The following RIMS2 variants were observed in gnomAD, a reference collection of about 807,000 sequenced individuals.
RIMS2 encodes the protein regulating synaptic membrane exocytosis protein 2.
Under a neutral mutation model 174.4 loss-of-function variants are expected in RIMS2, and 59 were observed. That is an observed-to-expected ratio of 0.34 (90% confidence interval 0.27 to 0.42). The LOEUF (loss-of-function observed/expected upper bound fraction) is 0.42. Among genes scored for constraint, RIMS2 ranks in the 10% least tolerant of loss-of-function variants. RIMS2 has a pLI of 1.00. For missense variants in RIMS2, 1,620 were observed against 1,666.3 expected (o/e 0.97, Z 0.48); for synonymous variants, 606 against 572.5 (o/e 1.06, Z -0.84).
chr8:104,239,798 A>G (rs555291811), intron 19 of RIMS2, among the ~76,000 whole-genome samples: 1 of 152,328 alleles, frequency 6.6e-6, no homozygotes, highest in South Asian at 2.1e-4. Flanking sequence ...ACAGTTCTGT[A>G]GGTCACAAGT....
At chr8:103,951,452 A>C (rs2085337434) in intron 14 of RIMS2, among the ~76,000 whole-genome samples, 1 of 152,158 alleles carries the variant, frequency 6.6e-6, no homozygotes, top group African/African-American at 2.4e-5. Flanking sequence ...GGTGCAGCCT[A>C]AGGTGGGCAA....
chr8:103,899,469 G>T (rs2099314317), intron 4 of RIMS2, among the ~76,000 whole-genome samples: 1 of 151,678 alleles, frequency 6.6e-6, no homozygotes, highest in Non-Finnish European at 1.5e-5. Context: ...TTCTCTGATG[G>T]CCAGTGATGA....
intron 1 of RIMS2, among the ~76,000 whole-genome samples, chr8:103,672,354 C>T (rs1168552948): frequency 1.3e-5 from 2 of 152,042 alleles, no homozygotes; most frequent in African/African-American, 2.4e-5. Context: ...GCCATTCTTG[C>T]ATTGCTATAA....
At chr8:103,723,805 A>G (rs1282450881) in intron 2 of RIMS2, among the ~76,000 whole-genome samples, 3 of 152,182 alleles carry the variant, frequency 2.0e-5, no homozygotes, top group African/African-American at 7.2e-5. Context: ...GCCTGAGGCC[A>G]CAGAGCTGGC....
At chr8:104,098,850 A>G (rs2097809338) in intron 19 of RIMS2, among the ~76,000 whole-genome samples, 1 of 152,224 alleles carries the variant, frequency 6.6e-6, no homozygotes, top group Admixed American at 6.5e-5. Context: ...AACTTGATAT[A>G]TACAGTCTAT....
At chr8:103,706,982 A>C (rs904136395) in intron 2 of RIMS2, among the ~76,000 whole-genome samples, 1 of 151,204 alleles carries the variant, frequency 6.6e-6, no homozygotes, top group African/African-American at 2.4e-5. Context: ...TCTTTCATTT[A>C]TTTTCTTTTT....
chr8:103,738,510 A>T (rs2097716477), intron 2 of RIMS2, among the ~76,000 whole-genome samples: 1 of 152,210 alleles, frequency 6.6e-6, no homozygotes, highest in South Asian at 2.1e-4. Context: ...AGCAATAGCA[A>T]CAAAAGCCAA....
chr8:104,014,399 A>G (rs2095846593), intron 18 of RIMS2, 107 bp from the exon 21 acceptor site: 1 of 577,520 alleles, frequency 1.7e-6, no homozygotes, highest in Non-Finnish European at 3.0e-6. Flanking sequence ...TCTGCAGCTA[A>G]ACTTCTTTTT....
chr8:103,832,171 A>G (rs1219392948), intron 3 of RIMS2, among the ~76,000 whole-genome samples: 1 of 152,190 alleles, frequency 6.6e-6, no homozygotes, highest in Non-Finnish European at 1.5e-5. Context: ...TATAAAATGT[A>G]TCTTTTATCA....
At chr8:103,715,849 C>T (rs920279950) in intron 2 of RIMS2, among the ~76,000 whole-genome samples, 3 of 152,034 alleles carry the variant, frequency 2.0e-5, no homozygotes, top group Non-Finnish European at 2.9e-5. Flanking sequence ...ATGAAAATTA[C>T]ATTTTATCTA....
chr8:103,507,794 C>T (rs895229861), intron 1 of RIMS2, among the ~76,000 whole-genome samples: 2 of 151,880 alleles, frequency 1.3e-5, no homozygotes, highest in African/African-American at 4.8e-5. Context: ...TAAAAGTGAT[C>T]CTTTAAGAGA....
intron 3 of RIMS2, among the ~76,000 whole-genome samples, chr8:103,844,290 A>G (rs1423736997): frequency 6.6e-6 from 1 of 152,206 alleles, no homozygotes; most frequent in African/African-American, 2.4e-5. Context: ...GGTAATATCT[A>G]TGAGAAGTGT....
chr8:104,152,561 C>T (rs2098696220), intron 19 of RIMS2, among the ~76,000 whole-genome samples: 1 of 151,760 alleles, frequency 6.6e-6, no homozygotes, highest in Non-Finnish European at 1.5e-5. Flanking sequence ...GAATCATAAG[C>T]TCCAAAAGTA....
At chr8:103,580,004 G>A (rs566590361) in intron 1 of RIMS2, among the ~76,000 whole-genome samples, 8 of 152,044 alleles carry the variant, frequency 5.3e-5, no homozygotes, top group South Asian at 2.1e-4. Flanking sequence ...ATCCGCCCCC[G>A]TGATCCAATC....
rs1223637551 is a variant in RIMS2, at chr8:103,952,043, GCCT to G, written c.2702-9019_2702-9017del. On this transcript the variant is annotated intron_variant, in intron 14 of 23. Transcript: ENST00000504942. The stretch of plus-strand genomic sequence containing the variant: ...TCAGCAAGGCCACTGTGGCCAGACT[GCCT>G]CCGCAGATTCCCTCCTCCCTGGGAA... Among the ~76,000 whole-genome samples the G allele has an allele frequency of 1.1e-4, 17 of 152,210 alleles. No individual in the cohort carries two copies. In the South Asian group the frequency reaches 3.5e-3, roughly 32 times the overall value.
At chr8:103,985,723 C>G (rs957759766) in intron 16 of RIMS2, among the ~76,000 whole-genome samples, 7 of 152,044 alleles carry the variant, frequency 4.6e-5, no homozygotes, top group Non-Finnish European at 8.8e-5. Flanking sequence ...TGGAATGAAA[C>G]TGTCATCAAC....
intron 19 of RIMS2, among the ~76,000 whole-genome samples, chr8:104,162,608 TA>T (rs1056638000): frequency 1.6e-4 from 24 of 152,204 alleles, no homozygotes; most frequent in African/African-American, 3.4e-4. Context: ...TTCATATTAT[TA>T]GGGGGGGAGA....
intron 19 of RIMS2, among the ~76,000 whole-genome samples, 198 bp from the exon 22 acceptor site, chr8:104,041,128 A>G (rs10086112): frequency 0.42 from 63,007 of 151,448 alleles, 13,580 homozygotes; most frequent in African/African-American, 0.5. Context: ...ACCTATAGTA[A>G]CAAAATCAAC....
intron 13 of RIMS2, 125 bp downstream of exon 15, chr8:103,936,847 G>T: frequency 1.5e-6 from 1 of 674,252 alleles, no homozygotes; most frequent in South Asian, 2.7e-5. Context: ...TGTAATCTCA[G>T]CACTTTGGGA....
Sources: gnomAD v4.1 joint callset for allele counts (sites outside exome capture counted in the v4.1 genomes callset) on GRCh38, gnomAD v4.1.1 for gene constraint, MANE v1.5 for transcripts, NCBI Gene and HGNC (gene_info 2026-07-23, HGNC 2026-07-21) for gene names.